The following FSTL4 variants were observed in gnomAD, a reference collection of about 807,000 sequenced individuals.
FSTL4 encodes the protein follistatin-related protein 4.
Under a neutral mutation model 78.2 loss-of-function variants are expected in FSTL4, and 28 were observed. That is an observed-to-expected ratio of 0.36 (90% CI 0.27 to 0.49). The LOEUF (loss-of-function observed/expected upper bound fraction) is 0.49. Ranked by LOEUF, FSTL4 falls within the 20% of genes least tolerant of loss-of-function variation. The pLI is 0.98. For synonymous variants in FSTL4, 422 were observed against 440.5 expected, an observed-to-expected ratio of 0.96 and a Z score of 0.53; for missense variants, 922 against 1,084.9, an observed-to-expected ratio of 0.85 and a Z score of 2.11.
intron 2 of FSTL4, among the ~76,000 whole-genome samples, chr5:133,595,528 A>G (rs1018867332): frequency 6.6e-6 from 1 of 152,236 alleles, no homozygotes; most frequent in African/African-American, 2.4e-5. Context: ...CTCCACTGGA[A>G]AGAGGACCCT....
chr5:133,253,804 C>T (rs764002852), intron 6 of FSTL4, among the ~76,000 whole-genome samples: 2 of 152,220 alleles, frequency 1.3e-5, no homozygotes, highest in Non-Finnish European at 1.5e-5. Flanking sequence ...CAGATCACCA[C>T]ATAGAATCCA....
At chr5:133,319,529 T>C (rs1455661959) in intron 4 of FSTL4, among the ~76,000 whole-genome samples, 2 of 152,022 alleles carry the variant, frequency 1.3e-5, no homozygotes, top group Non-Finnish European at 2.9e-5. Flanking sequence ...GCAGGAGCCA[T>C]GGTGGGGCAC....
intron 2 of FSTL4, among the ~76,000 whole-genome samples, chr5:133,602,550 T>C (rs1341403718): frequency 2.6e-5 from 4 of 152,192 alleles, no homozygotes; most frequent in Non-Finnish European, 5.9e-5. Flanking sequence ...TATTCAACAA[T>C]ATATGTGTAG....
chr5:133,787,122 A>C, the FSTL4 span, among the ~76,000 whole-genome samples: 5 of 152,184 alleles, frequency 3.3e-5, no homozygotes, highest in African/African-American at 1.2e-4. Context: ...ACCAATCAGC[A>C]AGCATTTTAG....
chr5:133,665,783 C>T, the FSTL4 span, among the ~76,000 whole-genome samples: 3 of 152,212 alleles, frequency 2.0e-5, no homozygotes, highest in Non-Finnish European at 4.4e-5. Flanking sequence ...GGTCTCTTCC[C>T]CCTCCTCTGT....
In FSTL4 at chr5:133,612,445, G is replaced by T. The variant is rs575711373; in HGVS notation, c.-131C>A. On this transcript the variant is annotated 5_prime_UTR_variant, in exon 1 of 16. Coordinates refer to ENST00000265342, the MANE Select transcript of FSTL4 (RefSeq NM_015082.2). This position sits in a 1 kb window ranked among gnomAD's most constrained non-coding sequence, Gnocchi z 6.2. ...CCTTCGGCTGGTTTCTCGGGCTGTC[G>T]GCGGGTCCCGGGCTCGCTGGAGGCT... 1 of 152,038 alleles carries T rather than the reference G, an allele frequency of 6.6e-6. No individual in the cohort carries two copies. The highest frequency in any genetic ancestry group is 1.9e-4 in the East Asian group (1 of 5,144). 9.4% of individuals were successfully genotyped at this position (152,038 alleles called of 1,614,324 possible).
At chr5:133,404,883 C>T (rs964443977) in intron 3 of FSTL4, among the ~76,000 whole-genome samples, 1 of 152,208 alleles carries the variant, frequency 6.6e-6, no homozygotes, top group East Asian at 1.9e-4. Context: ...ACTGACTCAG[C>T]CTCTGTAACC....
At chr5:133,324,368 C>A (rs1754151677) in intron 4 of FSTL4, among the ~76,000 whole-genome samples, 1 of 152,230 alleles carries the variant, frequency 6.6e-6, no homozygotes, top group Non-Finnish European at 1.5e-5. Flanking sequence ...GCCTTGGATC[C>A]CAGGGGTGAG....
At chr5:133,552,853 A>G (rs1759715869) in intron 3 of FSTL4, among the ~76,000 whole-genome samples, 1 of 152,208 alleles carries the variant, frequency 6.6e-6, no homozygotes, top group South Asian at 2.1e-4. Context: ...GTATTCATAA[A>G]GAAACAGGGG....
At chr5:133,530,090 T>C (rs1759220267) in intron 3 of FSTL4, among the ~76,000 whole-genome samples, 1 of 152,246 alleles carries the variant, frequency 6.6e-6, no homozygotes, top group African/African-American at 2.4e-5. Flanking sequence ...GTATTCTGTG[T>C]ATTTGTTTTT....
intron 2 of FSTL4, among the ~76,000 whole-genome samples, chr5:133,592,823 G>A (rs1194730930): frequency 1.3e-5 from 2 of 152,116 alleles, no homozygotes; most frequent in Admixed American, 1.3e-4. Context: ...GCTTCCTGAG[G>A]TCTCACCAGA....
At chr5:133,235,079 C>T (rs892221370) in intron 7 of FSTL4, among the ~76,000 whole-genome samples, 1 of 152,096 alleles carries the variant, frequency 6.6e-6, no homozygotes, top group African/African-American at 2.4e-5. Flanking sequence ...GGGCAGCTCC[C>T]TGGGTCCTCC....
At chr5:133,574,374 A>C (rs560157247) in intron 2 of FSTL4, among the ~76,000 whole-genome samples, 4 of 152,320 alleles carry the variant, frequency 2.6e-5, no homozygotes, top group Admixed American at 1.3e-4. Flanking sequence ...CACCAGCAAA[A>C]CTTTCCTCAT....
chr5:133,221,734 A>T (rs1253012872), intron 11 of FSTL4, among the ~76,000 whole-genome samples: 1 of 152,024 alleles, frequency 6.6e-6, no homozygotes, highest in Non-Finnish European at 1.5e-5. Context: ...TGTAAGCTCT[A>T]GAGTGCTCCT....
chr5:133,240,150 C>G (rs1581559650), intron 7 of FSTL4, among the ~76,000 whole-genome samples: 1 of 152,186 alleles, frequency 6.6e-6, no homozygotes, highest in South Asian at 2.1e-4. Flanking sequence ...GACCACGAAC[C>G]CACCAGAAGG....
chr5:133,430,941 C>A (rs1756922847), intron 3 of FSTL4, among the ~76,000 whole-genome samples: 1 of 152,134 alleles, frequency 6.6e-6, no homozygotes, highest in African/African-American at 2.4e-5. Flanking sequence ...TGGTGGTGAA[C>A]AATAAAGTGT....
chr5:133,706,698 G>A, the FSTL4 span, among the ~76,000 whole-genome samples: 9 of 152,044 alleles, frequency 5.9e-5, no homozygotes, highest in Non-Finnish European at 1.3e-4. Context: ...ATGTACTTCT[G>A]ACCAGCCCAC....
chr5:133,751,760 AAT>A, the FSTL4 span, among the ~76,000 whole-genome samples: 3 of 152,224 alleles, frequency 2.0e-5, no homozygotes, highest in Non-Finnish European at 4.4e-5. Flanking sequence ...CTTTTTACAA[AAT>A]GCTTTTGGGA....
the FSTL4 span, among the ~76,000 whole-genome samples, chr5:133,686,597 C>G: frequency 1.3e-4 from 20 of 152,212 alleles, no homozygotes; most frequent in Admixed American, 1.3e-4. Context: ...GAAGCTTCCC[C>G]TTATCCACAC....
Sources: allele counts gnomAD v4.1 joint callset (sites outside exome capture counted in the v4.1 genomes callset), GRCh38; gene constraint gnomAD v4.1.1; non-coding constraint Gnocchi (gnomAD v3.1); transcripts MANE v1.5; gene names NCBI Gene and HGNC (gene_info 2026-07-23, HGNC 2026-07-21).